FRMD4B: variants seen among roughly 807,000 people sequenced by gnomAD.
FRMD4B encodes FERM domain-containing protein 4B.
In FRMD4B, 74 loss-of-function variants were observed where a neutral mutation model predicts 141.5. The ratio of observed to expected loss-of-function variants is 0.52; its 90% CI spans 0.43 to 0.63. FRMD4B has a LOEUF of 0.63. FRMD4B is among the 30% of genes least tolerant of loss of function. FRMD4B has a pLI of 0.00. For synonymous variants in FRMD4B, 506 were observed against 467.9 expected (o/e 1.08, Z -1.05); for missense variants, 1,366 against 1,253.4 (o/e 1.09, Z -1.36).
In FRMD4B at chr3:69,310,469, G is replaced by A. The variant is rs866959954; in HGVS notation, c.323+794C>T. ...TGGAAATTATCTGCAGAAAGTGGAA[G>A]GATTCCTCTGATAATGTATCGGGCT... On this transcript the variant is annotated intron_variant, in intron 3 of 22. Coordinates refer to ENST00000398540, the MANE Select transcript of FRMD4B (RefSeq NM_015123.3). 3 of 456,212 alleles carry A rather than the reference G, an allele frequency of 6.6e-6. No individual in the cohort carries two copies. The Admixed American group carries it at 7.1e-5, about 11-fold the overall frequency. The allele number at this position is 456,212 out of a possible 1,614,324, so 28.3% of individuals were successfully genotyped here.
chr3:69,508,668 T>C (rs1706637861), intron 1 of FRMD4B, among the ~76,000 whole-genome samples: 1 of 152,194 alleles, frequency 6.6e-6, no homozygotes, highest in Non-Finnish European at 1.5e-5. Flanking sequence ...AAGCAACCAA[T>C]GGGCCAAAGA....
intron 9 of FRMD4B, among the ~76,000 whole-genome samples, chr3:69,220,268 T>C (rs1164727855): frequency 6.6e-6 from 1 of 152,188 alleles, no homozygotes; most frequent in African/African-American, 2.4e-5. Flanking sequence ...GCTGAAATAC[T>C]GTAGGCAATT....
chr3:69,188,625 C>T (rs534473470), intron 18 of FRMD4B, among the ~76,000 whole-genome samples: 1 of 151,548 alleles, frequency 6.6e-6, no homozygotes, highest in South Asian at 2.1e-4. Flanking sequence ...GGCGCGGTGG[C>T]GGGCGCCTGT....
At chr3:69,405,700 T>G (rs1255207209) in intron 2 of FRMD4B, among the ~76,000 whole-genome samples, 2 of 152,204 alleles carry the variant, frequency 1.3e-5, no homozygotes, top group Non-Finnish European at 2.9e-5. Context: ...AGTTCTGCGA[T>G]ACGCCACAAC....
chr3:69,204,965 C>T (rs995137693), intron 11 of FRMD4B, among the ~76,000 whole-genome samples: 2 of 150,032 alleles, frequency 1.3e-5, no homozygotes, highest in East Asian at 2.0e-4. Flanking sequence ...TTAAATACTG[C>T]CAGGCTCCAA....
chr3:69,375,427 C>T (rs372138239), intron 1 of FRMD4B, among the ~76,000 whole-genome samples: 3 of 152,022 alleles, frequency 2.0e-5, no homozygotes, highest in East Asian at 3.9e-4. Context: ...CTTTTATAAC[C>T]ATCCCAAGAA....
intron 1 of FRMD4B, among the ~76,000 whole-genome samples, chr3:69,526,127 C>T (rs1559553701): frequency 6.6e-6 from 1 of 152,124 alleles, no homozygotes; most frequent in Non-Finnish European, 1.5e-5. Flanking sequence ...GCACGGGATA[C>T]AACATATGCA....
chr3:69,415,356 A>G (rs969019587), intron 2 of FRMD4B, among the ~76,000 whole-genome samples: 2 of 152,228 alleles, frequency 1.3e-5, no homozygotes, highest in African/African-American at 4.8e-5. Context: ...ATTGGGGAGC[A>G]GATCCATGCC....
At chr3:69,331,186 A>T (rs1003944207) in intron 1 of FRMD4B, among the ~76,000 whole-genome samples, 3 of 152,222 alleles carry the variant, frequency 2.0e-5, no homozygotes, top group Admixed American at 1.3e-4. Flanking sequence ...AGGATCACTC[A>T]AAAAAGCGTT....
At chr3:69,180,699 A>G (rs913247589) in intron 21 of FRMD4B, among the ~76,000 whole-genome samples, 200 bp downstream of exon 21, 4 of 152,176 alleles carry the variant, frequency 2.6e-5, no homozygotes, top group Admixed American at 6.5e-5. Context: ...TTGCTTCATT[A>G]GACTCATGTG....
At chr3:69,524,651 G>A (rs912104690) in intron 1 of FRMD4B, among the ~76,000 whole-genome samples, 11 of 152,166 alleles carry the variant, frequency 7.2e-5, no homozygotes, top group Non-Finnish European at 1.5e-4. Flanking sequence ...CCATCCTATG[G>A]TTAAAGATGG....
intron 4 of FRMD4B, among the ~76,000 whole-genome samples, chr3:69,288,652 C>T (rs1427935303): frequency 6.6e-6 from 1 of 152,134 alleles, no homozygotes; most frequent in Non-Finnish European, 1.5e-5. Flanking sequence ...CTGTGGTGTG[C>T]GAGTGGGCAA....
intron 1 of FRMD4B, among the ~76,000 whole-genome samples, chr3:69,503,761 TC>T (rs1429004729): frequency 6.6e-6 from 1 of 152,160 alleles, no homozygotes; most frequent in Non-Finnish European, 1.5e-5. Context: ...GGTATATACT[TC>T]CCACTTTGGA....
intron 2 of FRMD4B, among the ~76,000 whole-genome samples, chr3:69,398,333 ATG>A (rs1704505056): frequency 6.6e-6 from 1 of 152,146 alleles, no homozygotes; most frequent in Admixed American, 6.6e-5. Context: ...AATACTTACA[ATG>A]TGTAGTGATC....
chr3:69,405,105 T>C (rs571589836), intron 2 of FRMD4B, among the ~76,000 whole-genome samples: 6 of 152,198 alleles, frequency 3.9e-5, no homozygotes, highest in Non-Finnish European at 8.8e-5. Flanking sequence ...TATGACAAAC[T>C]AGGGAATAGG....
At chr3:69,243,455 G>A (rs57223781) in intron 7 of FRMD4B, among the ~76,000 whole-genome samples, 5,274 of 152,304 alleles carry the variant, frequency 0.035, 318 homozygotes, top group African/African-American at 0.12. Context: ...GACTAAATGT[G>A]TAATGCCAAC....
chr3:69,374,284 G>A (rs1703909364), intron 1 of FRMD4B, among the ~76,000 whole-genome samples: 1 of 152,156 alleles, frequency 6.6e-6, no homozygotes, highest in South Asian at 2.1e-4. Context: ...TTGGCTCAAG[G>A]TCGTATAGCC....
intron 2 of FRMD4B, among the ~76,000 whole-genome samples, chr3:69,424,418 CAAAG>C (rs1238563320): frequency 6.6e-6 from 1 of 152,098 alleles, no homozygotes; most frequent in Admixed American, 6.5e-5. Flanking sequence ...TTTGGCCTCC[CAAAG>C]AGATAGGATT....
At chr3:69,459,156 T>C (rs1705669537) in intron 1 of FRMD4B, among the ~76,000 whole-genome samples, 1 of 152,364 alleles carries the variant, frequency 6.6e-6, no homozygotes, top group Admixed American at 6.5e-5. Flanking sequence ...AGCAATCTTG[T>C]AAGAATTTAA....
Sources: allele counts gnomAD v4.1 joint callset (sites outside exome capture counted in the v4.1 genomes callset), GRCh38; gene constraint gnomAD v4.1.1; transcripts MANE v1.5; gene names NCBI Gene and HGNC (gene_info 2026-07-23, HGNC 2026-07-21).